Variants in VRK2 observed in about 807,000 individuals in gnomAD.
VRK2 encodes serine/threonine-protein kinase VRK2.
VRK2 carries 60 observed loss-of-function variants against 57.6 expected under a neutral mutation model. The ratio of observed to expected loss-of-function variants is 1.04; its 90% CI spans 0.85 to 1.29. The LOEUF (loss-of-function observed/expected upper bound fraction) is 1.29. VRK2 is among the 50% of genes most tolerant of loss of function. The pLI, the probability that VRK2 is intolerant of heterozygous loss-of-function variation, is 0.00. For missense variants in VRK2, 705 were observed against 588.1 expected, an observed-to-expected ratio of 1.20 and a Z score of -2.06; for synonymous variants, 231 against 199.2, an observed-to-expected ratio of 1.16 and a Z score of -1.35.
At chr2:58,013,645 G>A (rs1673479783) in intron 1 of VRK2, among the ~76,000 whole-genome samples, 1 of 152,002 alleles carries the variant, frequency 6.6e-6, no homozygotes, top group African/African-American at 2.4e-5. Flanking sequence ...GCCGAGGCGG[G>A]CGGATCACGA....
chr2:58,121,714 A>G (rs768271744), intron 7 of VRK2, among the ~76,000 whole-genome samples: 5 of 152,354 alleles, frequency 3.3e-5, no homozygotes, highest in Middle Eastern at 6.8e-3. Context: ...TTTAAAGTGC[A>G]GATTGTATGG....
rs367853818 is a variant in VRK2 at position 57,920,063 on chromosome 2, G to A, written c.-439+12224G>A. Among the ~76,000 whole-genome samples the A allele has an allele frequency of 3.5e-4, 53 of 152,098 alleles. 1 individual carries two copies. The South Asian group carries it at 0.01, about 30-fold the overall frequency. ...TTGATTGAGATTGATTTTTGGTGTT[G>A]AGAATCTATCATGAATACAAAAAAG... On this transcript the variant is annotated intron_variant, in intron 1 of 15. Coordinates refer to the VRK2 transcript ENST00000417641.
chr2:58,137,062 T>C (rs1449369808), intron 10 of VRK2, among the ~76,000 whole-genome samples: 1 of 121,274 alleles, frequency 8.2e-6, no homozygotes, highest in East Asian at 2.2e-4. Context: ...TGTGTATATA[T>C]CATATATCAT....
In VRK2 at chr2:58,118,895, G is replaced by A. The variant is rs1027692564; in HGVS notation, c.544-4206G>A. On this transcript the variant is annotated intron_variant, in intron 7 of 12. Transcript: ENST00000340157. ...AGGTTGTTCTCTGGTGGGCAGGGGC[G>A]GGGGTCACAAGGTGCTCAGTGGGGT... 5.9e-5 allele frequency among the ~76,000 whole-genome samples: 9 copies of A among 152,320 alleles called. 1 individual carries two copies. Among genetic ancestry groups the A allele is most frequent in the Admixed American group, 5.2e-4 (8 of 15,308 alleles).
Position 58,085,204 on chromosome 2 carries a change from T to C in VRK2, c.256+254T>C, listed in dbSNP as rs192683063. On this transcript the variant is annotated intron_variant, in intron 4 of 12. Transcript: ENST00000340157. The stretch of plus-strand genomic sequence containing the variant: ...TTTACATAAAATGTTAGGTTGTTAA[T>C]CTAAGCTACCAAGAGTTCCCTAAGT... 1.1e-3 allele frequency among the ~76,000 whole-genome samples: 164 copies of C among 152,080 alleles called. 1 individual carries two copies. In the Middle Eastern group the frequency reaches 0.014, roughly 13 times the overall value.
intron 1 of VRK2, among the ~76,000 whole-genome samples, chr2:57,930,397 C>T (rs1028031116): frequency 6.6e-6 from 1 of 152,180 alleles, no homozygotes; most frequent in African/African-American, 2.4e-5. Flanking sequence ...CTCCCCCAAA[C>T]ACATAGATTC....
intron 1 of VRK2, among the ~76,000 whole-genome samples, chr2:57,957,301 A>C (rs1439715838): frequency 6.6e-6 from 1 of 152,126 alleles, no homozygotes; most frequent in East Asian, 1.9e-4. Flanking sequence ...ATTTTGAAAA[A>C]TAAATAAGTA....
chr2:58,061,636 A>G (rs1413876000), intron 2 of VRK2, among the ~76,000 whole-genome samples: 1 of 152,018 alleles, frequency 6.6e-6, no homozygotes, highest in African/African-American at 2.4e-5. Flanking sequence ...CACAGTAAAA[A>G]TCATTAAGAG....
chr2:57,985,028 T>C (rs1672552403), intron 1 of VRK2, among the ~76,000 whole-genome samples: 1 of 152,016 alleles, frequency 6.6e-6, no homozygotes, highest in African/African-American at 2.4e-5. Context: ...CGCAAATTTG[T>C]TATATTATTC....
At chr2:57,908,395 A>G (rs1669890303) in intron 1 of VRK2, among the ~76,000 whole-genome samples, 2 of 152,170 alleles carry the variant, frequency 1.3e-5, no homozygotes, top group Admixed American at 6.5e-5. Flanking sequence ...TTATCTATAA[A>G]TCTTTTAAGG....
intron 11 of VRK2, among the ~76,000 whole-genome samples, chr2:58,140,344 T>A (rs1471001632): frequency 6.6e-6 from 1 of 152,040 alleles, no homozygotes; most frequent in Non-Finnish European, 1.5e-5. Flanking sequence ...CCTCTTCTTT[T>A]AGTCTGCCAT....
chr2:58,138,754 G>C (rs1680901574), intron 10 of VRK2, among the ~76,000 whole-genome samples: 1 of 152,150 alleles, frequency 6.6e-6, no homozygotes, highest in Non-Finnish European at 1.5e-5. Flanking sequence ...GTTTGAGTCA[G>C]TAATATATTT....
chr2:58,103,200 G>C (rs1674261430), intron 7 of VRK2, among the ~76,000 whole-genome samples: 1 of 151,314 alleles, frequency 6.6e-6, no homozygotes, highest in African/African-American at 2.4e-5. Flanking sequence ...CATACCCATA[G>C]CTAGCAGAAG....
At chr2:58,110,817 A>G (rs1024989089) in intron 7 of VRK2, among the ~76,000 whole-genome samples, 4 of 152,176 alleles carry the variant, frequency 2.6e-5, no homozygotes, top group African/African-American at 4.8e-5. Flanking sequence ...AGATCTGACA[A>G]AATCTCAGTG....
At chr2:58,087,815 C>T (rs913887440) in intron 5 of VRK2, among the ~76,000 whole-genome samples, 4 of 152,138 alleles carry the variant, frequency 2.6e-5, no homozygotes, top group South Asian at 2.1e-4. Context: ...GGTGAAACCC[C>T]GTCTCTACTA....
At chr2:57,919,894 G>T (rs1572860263) in intron 1 of VRK2, among the ~76,000 whole-genome samples, 1 of 151,946 alleles carries the variant, frequency 6.6e-6, no homozygotes, top group South Asian at 2.1e-4. Context: ...ATCTCCATGG[G>T]TTTCTCAGCT....
At chr2:57,924,909 T>A (rs1017405990) in intron 1 of VRK2, among the ~76,000 whole-genome samples, 3 of 151,988 alleles carry the variant, frequency 2.0e-5, no homozygotes, top group Admixed American at 6.6e-5. Flanking sequence ...GGTTTTTTTT[T>A]AATCATGAAG....
At chr2:57,942,218 C>A (rs1360755408) in intron 1 of VRK2, among the ~76,000 whole-genome samples, 1 of 152,180 alleles carries the variant, frequency 6.6e-6, no homozygotes, top group Admixed American at 6.5e-5. Flanking sequence ...ATGTGTTTTA[C>A]TGACTCATTC....
At chr2:57,998,915 G>A (rs1298820458) in intron 1 of VRK2, among the ~76,000 whole-genome samples, 1 of 152,104 alleles carries the variant, frequency 6.6e-6, no homozygotes, top group Non-Finnish European at 1.5e-5. Context: ...AAGTCAGTAT[G>A]GATAGTTATC....
Sources: gnomAD v4.1 joint callset for allele counts (sites outside exome capture counted in the v4.1 genomes callset) on GRCh38, gnomAD v4.1.1 for gene constraint, MANE v1.5 for transcripts, NCBI Gene and HGNC (gene_info 2026-07-23, HGNC 2026-07-21) for gene names.